B3GLCT: variants seen among roughly 807,000 people sequenced by gnomAD.
The protein encoded by B3GLCT is beta 3-glucosyltransferase, also known as beta-1,3-glucosyltransferase.
B3GLCT carries 65 observed loss-of-function variants against 63.4 expected under a neutral mutation model. The observed-to-expected ratio is 1.03, with a 90% CI of 0.84 to 1.26. The LOEUF is 1.26. Among genes scored for constraint, B3GLCT ranks in the 50% most tolerant of loss-of-function variants. The pLI is 0.00. For missense variants in B3GLCT, 577 were observed against 604.8 expected, an observed-to-expected ratio of 0.95 and a Z score of 0.48; for synonymous variants, 233 against 219.2, an observed-to-expected ratio of 1.06 and a Z score of -0.55.
intron 9 of B3GLCT, among the ~76,000 whole-genome samples, chr13:31,276,473 G>T (rs1261013312): frequency 6.6e-6 from 1 of 152,134 alleles, no homozygotes; most frequent in Non-Finnish European, 1.5e-5. Flanking sequence ...TTGTTAAGGG[G>T]ATGCACAGTC....
intron 4 of B3GLCT, among the ~76,000 whole-genome samples, chr13:31,241,834 C>G (rs1269940937): frequency 6.6e-6 from 1 of 152,112 alleles, no homozygotes; most frequent in Non-Finnish European, 1.5e-5. Flanking sequence ...ATGAGCTACT[C>G]TCAGCTAAGA....
At chr13:31,231,873 G>A (rs1870397793) in intron 4 of B3GLCT, among the ~76,000 whole-genome samples, 1 of 152,220 alleles carries the variant, frequency 6.6e-6, no homozygotes, top group South Asian at 2.1e-4. Context: ...ATAGGGCCCA[G>A]GTACAAGAGC....
chr13:31,297,315 A>C (rs1342033780), intron 12 of B3GLCT, among the ~76,000 whole-genome samples: 1 of 150,182 alleles, frequency 6.7e-6, no homozygotes, highest in Non-Finnish European at 1.5e-5. Context: ...TTACATTCCT[A>C]CCAGAAGTGC....
chr13:31,251,970 A>C (rs926868461), intron 6 of B3GLCT, among the ~76,000 whole-genome samples: 1 of 152,178 alleles, frequency 6.6e-6, no homozygotes, highest in African/African-American at 2.4e-5. Flanking sequence ...GCCAGAGGGA[A>C]AGTCCGGTTA....
At position 31,323,872 on chromosome 13, in the gene B3GLCT, A is replaced by G. The variant is rs750132103; in HGVS notation, c.1306A>G (p.Thr436Ala). 1.2e-6 allele frequency: 2 copies of G among 1,614,164 alleles called. No individual in the cohort carries two copies. The highest frequency in any genetic ancestry group is 1.7e-6 in the Non-Finnish European group (2 of 1,180,008). ...CTTTAGTGGCTTGGGAATCCCTGTGACACACAGCCCTCTCTTCCATCAGGT... is the reference window on the plus strand; with the variant it reads ...CTTTAGTGGCTTGGGAATCCCTGTGGCACACAGCCCTCTCTTCCATCAGGT... Reference protein sequence around the residue: ...MCFSGLGIPVTHSPLFHQARP... With the variant: ...MCFSGLGIPVAHSPLFHQARP... The change falls in exon 14 of 15, where the codon ACA (threonine) becomes GCA (alanine). Residue 436 changes from threonine (T) to alanine (A), a missense_variant. Coordinates refer to ENST00000343307, the MANE Select transcript of B3GLCT (RefSeq NM_194318.4).
At chr13:31,237,605 T>A (rs1870722640) in intron 4 of B3GLCT, among the ~76,000 whole-genome samples, 1 of 152,150 alleles carries the variant, frequency 6.6e-6, no homozygotes, top group Admixed American at 6.5e-5. Context: ...CCCACCCGCC[T>A]TGGCCTCCCA....
At position 31,280,783 on chromosome 13, in the gene B3GLCT, G is replaced by A. The variant is rs2137870024; in HGVS notation, c.851-3865G>A. ...TCTGGATTCTGACTTAAGTGAAACA[G>A]CATTCTTAGAACACAACAAGCAAAA... On this transcript the variant is annotated intron_variant, in intron 10 of 14. Transcript: ENST00000343307. Among the ~76,000 whole-genome samples, 5 of 152,294 alleles carry A rather than the reference G, an allele frequency of 3.3e-5. No individual in the cohort carries two copies. In the South Asian group the frequency reaches 1.0e-3, roughly 32 times the overall value.
Position 31,247,072 on chromosome 13 carries a change from C to G in B3GLCT, c.320C>G (p.Ala107Gly), listed in dbSNP as rs137993898. Residue 107 changes from alanine to glycine, a missense_variant, in exon 5 of 15, where the codon GCA becomes GGA. Coordinates refer to ENST00000343307, the MANE Select transcript of B3GLCT (RefSeq NM_194318.4). ...CATCAGCTGGCTAAACAAGAAGGTG[C>G]ATGGACCATACTTCCGTTGTTACCG... ...LLHQLAKQEG[A>G]WTILPLLPHF... 1 of 1,613,476 alleles carries G rather than the reference C, an allele frequency of 6.2e-7. No individual in the cohort carries two copies. Among genetic ancestry groups the G allele is most frequent in the African/African-American group, 1.3e-5 (1 of 74,906 alleles).
At chr13:31,253,595 CAAAAAAAAA>C (rs35512327) in intron 6 of B3GLCT, among the ~76,000 whole-genome samples, 5 of 18,416 alleles carry the variant, frequency 2.7e-4, no homozygotes, top group African/African-American at 1.6e-3. Flanking sequence ...GACTCCATCT[CAAAAAAAAA>C]AAAAAAAAAA....
At chr13:31,245,402 A>G (rs779967387) in intron 4 of B3GLCT, among the ~76,000 whole-genome samples, 1 of 152,124 alleles carries the variant, frequency 6.6e-6, no homozygotes, top group Non-Finnish European at 1.5e-5. Context: ...AAACTTAGCT[A>G]TGTTTTAATT....
At chr13:31,267,404 C>T (rs1343616851) in intron 7 of B3GLCT, among the ~76,000 whole-genome samples, 1 of 152,330 alleles carries the variant, frequency 6.6e-6, no homozygotes, top group East Asian at 1.9e-4. Context: ...TGGCATGAGT[C>T]CAAATCCCAA....
intron 12 of B3GLCT, among the ~76,000 whole-genome samples, chr13:31,314,941 T>C (rs978411993): frequency 3.3e-5 from 5 of 152,236 alleles, no homozygotes. Context: ...TCATGAGATC[T>C]GATGGGTTTA....
intron 7 of B3GLCT, among the ~76,000 whole-genome samples, chr13:31,264,053 G>A (rs964075964): frequency 2.0e-5 from 3 of 152,094 alleles, no homozygotes; most frequent in African/African-American, 7.2e-5. Context: ...TTTCCTTCTT[G>A]CTGTGTCCCC....
At chr13:31,316,717 CAT>C (rs960820488) in intron 12 of B3GLCT, among the ~76,000 whole-genome samples, 8 of 151,938 alleles carry the variant, frequency 5.3e-5, no homozygotes, top group Admixed American at 4.6e-4. Flanking sequence ...GTTCTTAAAA[CAT>C]AGAAAAAATA....
intron 3 of B3GLCT, among the ~76,000 whole-genome samples, chr13:31,228,927 G>A (rs117319913): frequency 1.3e-5 from 2 of 152,336 alleles, no homozygotes; most frequent in Non-Finnish European, 2.9e-5. Flanking sequence ...ATATGCGGGA[G>A]CACATTCTCA....
intron 12 of B3GLCT, among the ~76,000 whole-genome samples, chr13:31,302,248 T>C (rs1005282068): frequency 6.6e-6 from 1 of 152,204 alleles, no homozygotes; most frequent in African/African-American, 2.4e-5. Context: ...AACAACAACA[T>C]GTACCATGGC....
intron 2 of B3GLCT, among the ~76,000 whole-genome samples, chr13:31,218,127 A>G (rs924494247): frequency 2.0e-5 from 3 of 150,984 alleles, no homozygotes; most frequent in Non-Finnish European, 2.9e-5. Context: ...TAATGCTCAC[A>G]GAGATCTTTT....
intron 1 of B3GLCT, among the ~76,000 whole-genome samples, chr13:31,210,509 G>T (rs573550780): frequency 2.0e-5 from 3 of 152,176 alleles, no homozygotes; most frequent in Non-Finnish European, 4.4e-5. Flanking sequence ...TCAGTCACCA[G>T]CCCAGACTCA....
At chr13:31,324,305 G>A (rs927978936) in intron 14 of B3GLCT, among the ~76,000 whole-genome samples, 2 of 152,120 alleles carry the variant, frequency 1.3e-5, no homozygotes, top group African/African-American at 2.4e-5. Context: ...CAGTTTTTAC[G>A]CTATCTGTCT....
Sources: gnomAD v4.1 joint callset for allele counts (sites outside exome capture counted in the v4.1 genomes callset) on GRCh38, gnomAD v4.1.1 for gene constraint, MANE v1.5 for transcripts, NCBI Gene and HGNC (gene_info 2026-07-23, HGNC 2026-07-21) for gene names.